ZNF732: variants seen among roughly 807,000 people sequenced by gnomAD.
ZNF732 encodes zinc finger protein LOC654254.
ZNF732 carries 12 observed loss-of-function variants against 11.5 expected under a neutral mutation model. That is an observed-to-expected ratio of 1.05 (90% CI 0.67 to 1.70). ZNF732 has a LOEUF of 1.70. ZNF732 is among the 40% of genes most tolerant of loss of function. The pLI, the probability that ZNF732 is intolerant of heterozygous loss-of-function variation, is 0.00. For synonymous variants in ZNF732, 231 were observed against 236.5 expected (o/e 0.98, Z 0.21); for missense variants, 702 against 676.9 (o/e 1.04, Z -0.41).
intron 3 of ZNF732, among the ~76,000 whole-genome samples, chr4:290,735 T>C (rs1245094563): frequency 6.6e-6 from 1 of 152,130 alleles, no homozygotes; most frequent in Non-Finnish European, 1.5e-5. Context: ...AATCTAATCT[T>C]TTCAGGGCCC....
intron 1 of ZNF732, among the ~76,000 whole-genome samples, chr4:298,452 T>C (rs1258895435): frequency 1.3e-5 from 2 of 152,126 alleles, no homozygotes; most frequent in Non-Finnish European, 2.9e-5. Flanking sequence ...GCAACTCTTA[T>C]TTGGGTACAA....
At chr4:282,399 T>C (rs782018916) in intron 3 of ZNF732, among the ~76,000 whole-genome samples, 8 of 152,132 alleles carry the variant, frequency 5.3e-5, no homozygotes, top group African/African-American at 9.7e-5. Context: ...CTATTTATTC[T>C]TTTTTTAAAA....
At chr4:292,347 C>G (rs1276607112) in intron 3 of ZNF732, among the ~76,000 whole-genome samples, 1 of 152,050 alleles carries the variant, frequency 6.6e-6, no homozygotes, top group East Asian at 1.9e-4. Flanking sequence ...CACCTGAGGT[C>G]AGGAGTTTGA....
chr4:275,618 T>C (rs530232345), intron 3 of ZNF732, among the ~76,000 whole-genome samples: 2 of 151,928 alleles, frequency 1.3e-5, no homozygotes, highest in East Asian at 3.9e-4. Context: ...AAGAGTAATT[T>C]AGACACTCAT....
chr4:302,023 CA>C (rs1720128239), intron 1 of ZNF732, among the ~76,000 whole-genome samples: 1 of 152,108 alleles, frequency 6.6e-6, no homozygotes, highest in Non-Finnish European at 1.5e-5. Flanking sequence ...TAACTGATTG[CA>C]GTACTAAAAA....
intron 3 of ZNF732, among the ~76,000 whole-genome samples, chr4:273,681 C>T (rs1553838241): frequency 6.6e-6 from 1 of 151,774 alleles, no homozygotes; most frequent in Non-Finnish European, 1.5e-5. Flanking sequence ...CAAGGTTACA[C>T]ACACAGATTT....
At chr4:298,139 ACTTCT>A (rs1212380345) in intron 1 of ZNF732, among the ~76,000 whole-genome samples, 9 of 152,350 alleles carry the variant, frequency 5.9e-5, no homozygotes, top group African/African-American at 1.7e-4. Flanking sequence ...AGACAATACA[ACTTCT>A]CTTCTGTCAA....
chr4:296,281 T>C (rs782627118), intron 1 of ZNF732, 126 bp from the exon 2 acceptor site: 1 of 1,310,400 alleles, frequency 7.6e-7, no homozygotes, highest in Non-Finnish European at 1.0e-6. Context: ...AACACAGTAA[T>C]GTTCTCTAAA....
intron 3 of ZNF732, among the ~76,000 whole-genome samples, chr4:284,870 C>CAAA (rs1163209652): frequency 6.6e-3 from 345 of 52,144 alleles, no homozygotes; most frequent in Non-Finnish European, 8.7e-3. Context: ...GACTCTGTCT[C>CAAA]AAAAAAAAAA....
rs1319308777 is a variant in ZNF732 at position 271,749 on chromosome 4, C to A, written c.1108G>T (p.Ala370Ser). Residue 370 changes from alanine to serine, a missense_variant, in exon 4 of 4, where the codon GCC (alanine) becomes TCC (serine). Transcript: ENST00000419098. ...TTAAGGGTTGCGGATTGTCTAAAGGCTTTGCCACATTGTTCACATTTGTAG... is the reference window on the plus strand; with the variant it reads ...TTAAGGGTTGCGGATTGTCTAAAGGATTTGCCACATTGTTCACATTTGTAG... Reference protein sequence around the residue: ...KPYKCEQCGKAFRQSATLNKH... With the variant: ...KPYKCEQCGKSFRQSATLNKH... 14 of 1,612,076 alleles carry A rather than the reference C, an allele frequency of 8.7e-6. No homozygotes were observed. The highest frequency in any genetic ancestry group is 1.3e-5 in the African/African-American group (1 of 74,838).
chr4:296,987 G>C (rs1198266918), intron 1 of ZNF732, among the ~76,000 whole-genome samples: 3 of 152,100 alleles, frequency 2.0e-5, no homozygotes, highest in African/African-American at 7.2e-5. Context: ...AACAACATGT[G>C]GTCCAGGGGT....
chr4:302,294 C>T (rs1310011877), intron 1 of ZNF732, among the ~76,000 whole-genome samples: 3 of 152,184 alleles, frequency 2.0e-5, no homozygotes, highest in African/African-American at 7.2e-5. Flanking sequence ...TCCTAAAAAA[C>T]TCCACAATAA....
At position 305,463 on chromosome 4, in the gene ZNF732, G is replaced by A; in HGVS notation, c.-153C>T. On this transcript the variant is annotated 5_prime_UTR_variant, in exon 1 of 4. Transcript: ENST00000419098. ...TGGAGACCCTAACCGAGCTCACGCT[G>A]GCGCAAAAGGCAAAAGCCGCGCCAG... 9.0e-7 allele frequency: 1 copy of A among 1,108,088 alleles called. No individual in the cohort carries two copies. The highest frequency in any genetic ancestry group is 1.3e-6 in the Non-Finnish European group (1 of 787,966). 68.6% of individuals were successfully genotyped at this position (1,108,088 alleles called of 1,614,324 possible).
chr4:295,583 C>T, intron 2 of ZNF732, 50 bp from the exon 3 acceptor site: 2 of 1,423,328 alleles, frequency 1.4e-6, no homozygotes, highest in Non-Finnish European at 2.0e-6. Context: ...TCTCCAATTA[C>T]CTACCTAATA....
chr4:299,532 TAC>T lies in ZNF732; in HGVS notation c.4-3379_4-3378del, dbSNP rs1491041971. Among the ~76,000 whole-genome samples, 75 of 132,456 alleles carry T rather than the reference TAC, an allele frequency of 5.7e-4. 1 individual carries two copies. Among genetic ancestry groups the T allele is most frequent in the African/African-American group, 2.0e-3 (71 of 35,332 alleles). 86.9% of individuals were successfully genotyped at this position (132,456 alleles called of 152,430 possible). A position where few individuals can be genotyped will look rare whatever the true frequency, so the allele number is the denominator to read the frequency against. On this transcript the variant is annotated intron_variant, in intron 1 of 3. Coordinates refer to ENST00000419098, the MANE Select transcript of ZNF732 (RefSeq NM_001137608.3). ...ACATATACGTATATATGTGTATATA[TAC>T]ATATATACACATATATATGTATATA...
At chr4:286,891 G>T (rs901310452) in intron 3 of ZNF732, among the ~76,000 whole-genome samples, 1 of 152,238 alleles carries the variant, frequency 6.6e-6, no homozygotes, top group Non-Finnish European at 1.5e-5. Context: ...TGTGGTTCAC[G>T]CCTGTAATCC....
chr4:291,801 C>T (rs1372109832), intron 3 of ZNF732, among the ~76,000 whole-genome samples: 1 of 152,096 alleles, frequency 6.6e-6, no homozygotes, highest in Non-Finnish European at 1.5e-5. Context: ...GGCATCATAC[C>T]TTCTAATTTT....
chr4:273,790 G>A (rs1193411669), intron 3 of ZNF732, among the ~76,000 whole-genome samples: 1 of 151,072 alleles, frequency 6.6e-6, no homozygotes, highest in Non-Finnish European at 1.5e-5. Context: ...TATAACTGTG[G>A]TCTTAAAAGA....
At chr4:279,940 T>G (rs1719582781) in intron 3 of ZNF732, among the ~76,000 whole-genome samples, 1 of 152,206 alleles carries the variant, frequency 6.6e-6, no homozygotes, top group African/African-American at 2.4e-5. Flanking sequence ...TAGATAACTT[T>G]TATAGGCTAT....
Sources: allele counts gnomAD v4.1 joint callset (sites outside exome capture counted in the v4.1 genomes callset), GRCh38; gene constraint gnomAD v4.1.1; transcripts MANE v1.5; gene names NCBI Gene and HGNC (gene_info 2026-07-23, HGNC 2026-07-21).